ETS1: variants seen among roughly 807,000 people sequenced by gnomAD.
The protein encoded by ETS1 is ETS proto-oncogene 1, transcription factor.
A neutral mutation model predicts 58.6 loss-of-function variants in ETS1; 15 were observed. The observed-to-expected ratio is 0.26, with a 90% CI of 0.17 to 0.39. ETS1 has a LOEUF of 0.39. ETS1 is among the 10% of genes least tolerant of loss of function. The probability of loss-of-function intolerance (pLI) is 1.00; values close to 1 mark genes in which losing one functional copy is unlikely to be tolerated. For synonymous variants in ETS1, 214 were observed against 218.2 expected (o/e 0.98, Z 0.17); for missense variants, 417 against 610.5 (o/e 0.68, Z 3.34).
chr11:128,537,639 G>T (rs979890057), intron 3 of ETS1, among the ~76,000 whole-genome samples: 41 of 152,122 alleles, frequency 2.7e-4, no homozygotes, highest in Non-Finnish European at 5.1e-4. Context: ...AGCTGCAGCA[G>T]GAAAACACTG....
intron 3 of ETS1, among the ~76,000 whole-genome samples, chr11:128,509,711 G>C (rs1169884079): frequency 6.6e-6 from 1 of 152,080 alleles, no homozygotes; most frequent in Non-Finnish European, 1.5e-5. Context: ...AGACCTCTTA[G>C]AAGAATGTTA....
chr11:128,521,694 T>C (rs960497763), intron 3 of ETS1, among the ~76,000 whole-genome samples: 3 of 151,990 alleles, frequency 2.0e-5, no homozygotes, highest in Non-Finnish European at 4.4e-5. Flanking sequence ...TGAAAATAAA[T>C]ACCACCCCCC....
intron 3 of ETS1, among the ~76,000 whole-genome samples, chr11:128,509,227 T>C (rs1056813404): frequency 3.3e-5 from 5 of 152,228 alleles, no homozygotes; most frequent in African/African-American, 1.2e-4. Context: ...AAATAGATTC[T>C]TTATTTTTAA....
chr11:128,477,677 C>T (rs1862359376), intron 8 of ETS1, among the ~76,000 whole-genome samples: 1 of 152,152 alleles, frequency 6.6e-6, no homozygotes, highest in Non-Finnish European at 1.5e-5. Flanking sequence ...CAAATCCCAA[C>T]TTTCATTCAG....
chr11:128,490,631 C>A, intron 3 of ETS1, 55 bp from the exon 4 acceptor site: 1 of 1,418,774 alleles, frequency 7.0e-7, no homozygotes, highest in South Asian at 1.2e-5. Context: ...ATGAACCAAT[C>A]ATAAAACATT....
chr11:128,521,509 G>A (rs2135518048), intron 3 of ETS1, among the ~76,000 whole-genome samples: 1 of 152,304 alleles, frequency 6.6e-6, no homozygotes, highest in Admixed American at 6.5e-5. Flanking sequence ...CCCAGCCTCA[G>A]TTCTATGGGG....
chr11:128,572,450 T>C (rs1365424634), intron 2 of ETS1: 2 of 152,260 alleles, frequency 1.3e-5, no homozygotes, highest in Non-Finnish European at 2.9e-5. Flanking sequence ...ATATCAACAT[T>C]ATAAGATCCT....
At chr11:128,554,367 C>T (rs1864281113) in intron 3 of ETS1, among the ~76,000 whole-genome samples, 1 of 152,114 alleles carries the variant, frequency 6.6e-6, no homozygotes, top group African/African-American at 2.4e-5. Context: ...CCAATCTTCT[C>T]AACCTACCAA....
intron 2 of ETS1, chr11:128,571,818 G>GGA (rs1864640637): frequency 6.6e-6 from 1 of 152,148 alleles, no homozygotes; most frequent in Non-Finnish European, 1.5e-5. Context: ...AGAGGTGGAT[G>GGA]GATCACCCGA....
At chr11:128,527,586 T>G (rs1177579030) in intron 3 of ETS1, among the ~76,000 whole-genome samples, 1 of 152,352 alleles carries the variant, frequency 6.6e-6, no homozygotes, top group East Asian at 1.9e-4. Flanking sequence ...ATTTAAATTG[T>G]CCTGAATTGG....
chr11:128,486,742 A>C (rs1010811258), intron 5 of ETS1, among the ~76,000 whole-genome samples: 2 of 152,196 alleles, frequency 1.3e-5, no homozygotes, highest in African/African-American at 4.8e-5. Context: ...GGGAGAGAAG[A>C]GCAACCCAGT....
chr11:128,480,153 G>C (rs774134665), intron 8 of ETS1, 38 bp downstream of exon 8: 2 of 1,606,490 alleles, frequency 1.2e-6, no homozygotes, highest in Non-Finnish European at 1.7e-6. Context: ...ACAGAAACGT[G>C]CAGATGGAGT....
rs550971224 is a variant in ETS1 at position 128,526,816 on chromosome 11, C to T, written c.214+29475G>A. 1,652 of 416,192 alleles carry T rather than the reference C, an allele frequency of 4.0e-3. 12 individuals are homozygous for T. The highest frequency in any genetic ancestry group is 6.8e-3 in the Middle Eastern group (11 of 1,606). 25.8% of individuals were successfully genotyped at this position (416,192 alleles called of 1,614,324 possible). A position where few individuals can be genotyped will look rare whatever the true frequency, so the allele number is the denominator to read the frequency against. Reference sequence around the variant, plus strand: ...CCTCTTTGGAGACAAAACCTTAGGTCTTGGATTTGTCACATGTTAGAGCTC... The same window carrying T: ...CCTCTTTGGAGACAAAACCTTAGGTTTTGGATTTGTCACATGTTAGAGCTC... On this transcript the variant is annotated intron_variant, in intron 3 of 9. Coordinates refer to ENST00000392668, the MANE Select transcript of ETS1 (RefSeq NM_001143820.2).
rs531142059 is a variant in ETS1, at chr11:128,572,850, A to G, written c.69+212T>C. Among the ~76,000 whole-genome samples, 45 of 152,354 alleles carry G rather than the reference A, an allele frequency of 3.0e-4. 2 individuals carry two copies. The South Asian group carries it at 9.1e-3, about 31-fold the overall frequency. On this transcript the variant is annotated intron_variant, in intron 2 of 9. Transcript: ENST00000392668. Reference sequence around the variant, plus strand: ...AACTCAAACATACTAAAACTTCTTCAGCAAATCCATCAGTATTTGGTTTTC... The same window carrying G: ...AACTCAAACATACTAAAACTTCTTCGGCAAATCCATCAGTATTTGGTTTTC...
intron 8 of ETS1, among the ~76,000 whole-genome samples, chr11:128,476,664 G>A (rs1018806557): frequency 6.6e-6 from 1 of 152,222 alleles, no homozygotes; most frequent in Non-Finnish European, 1.5e-5. Flanking sequence ...CAAGGACTTG[G>A]AAAGCGTTTT....
chr11:128,492,945 C>T (rs1862842265), intron 3 of ETS1, among the ~76,000 whole-genome samples: 2 of 152,188 alleles, frequency 1.3e-5, no homozygotes, highest in African/African-American at 4.8e-5. Context: ...AAATTTGAAG[C>T]AACTTTCCTC....
chr11:128,486,028 T>G (rs1181000404), intron 6 of ETS1, 41 bp downstream of exon 6: 4 of 1,251,026 alleles, frequency 3.2e-6, no homozygotes, highest in Non-Finnish European at 4.7e-6. Context: ...TTTTCCTAGT[T>G]TGCTATTATC....
At chr11:128,526,797 T>C (rs1297988275) in intron 3 of ETS1, 1 of 377,898 alleles carries the variant, frequency 2.6e-6, no homozygotes, top group South Asian at 1.9e-5. Context: ...AGTGCCTCTT[T>C]GGAGACAAAA....
intron 3 of ETS1, among the ~76,000 whole-genome samples, chr11:128,528,770 A>T (rs1036249252): frequency 2.6e-5 from 4 of 152,210 alleles, no homozygotes; most frequent in Non-Finnish European, 4.4e-5. Context: ...AAGATTAAAG[A>T]TCCAACCAAC....
Sources: gnomAD v4.1 joint callset for allele counts (sites outside exome capture counted in the v4.1 genomes callset) on GRCh38, gnomAD v4.1.1 for gene constraint, MANE v1.5 for transcripts, NCBI Gene and HGNC (gene_info 2026-07-23, HGNC 2026-07-21) for gene names.